Variants in KPNA6 observed in about 807,000 individuals in gnomAD.
KPNA6 encodes the protein karyopherin subunit alpha 6, also known as importin subunit alpha-7.
KPNA6 carries 9 observed loss-of-function variants against 72.0 expected under a neutral mutation model. The ratio of observed to expected loss-of-function variants is 0.13; its 90% CI spans 0.08 to 0.22. The LOEUF (loss-of-function observed/expected upper bound fraction) is 0.22. Among genes scored for constraint, KPNA6 ranks in the 10% least tolerant of loss-of-function variants. The pLI is 1.00. For missense variants in KPNA6, 374 were observed against 655.7 expected (o/e 0.57, Z 4.69); for synonymous variants, 219 against 242.1 (o/e 0.90, Z 0.89).
At chr1:32,157,499 C>T in intron 4 of KPNA6, 54 bp downstream of exon 4, 2 of 1,289,612 alleles carry the variant, frequency 1.6e-6, no homozygotes, top group Non-Finnish European at 2.3e-6. Context: ...CCTCTTTTCT[C>T]TTCACTGATG....
At chr1:32,163,103 C>CA (rs369879847) in intron 9 of KPNA6, 132 bp from the exon 10 acceptor site, 6,016 of 495,694 alleles carry the variant, frequency 0.012, 18 homozygotes, top group African/African-American at 0.035. Context: ...GACTCTGTCT[C>CA]AAAAAAAAAA....
chr1:32,128,063 T>G (rs1415486451), intron 1 of KPNA6, among the ~76,000 whole-genome samples: 2 of 152,104 alleles, frequency 1.3e-5, no homozygotes, highest in Non-Finnish European at 2.9e-5. Context: ...TCTTTCATTT[T>G]CCTACTTTAA....
intron 1 of KPNA6, among the ~76,000 whole-genome samples, chr1:32,132,503 T>A (rs1196719749): frequency 1.3e-5 from 2 of 152,188 alleles, no homozygotes; most frequent in Middle Eastern, 3.2e-3. Flanking sequence ...TTGCCCAGAC[T>A]GGTCTCAAAC....
chr1:32,128,406 T>TATATATAC (rs1455397612), intron 1 of KPNA6, among the ~76,000 whole-genome samples: 1 of 126,830 alleles, frequency 7.9e-6, no homozygotes, highest in Non-Finnish European at 1.7e-5. Flanking sequence ...TATATATATA[T>TATATATAC]ATATATATAT....
At chr1:32,146,081 T>C (rs1216597467) in intron 1 of KPNA6, among the ~76,000 whole-genome samples, 2 of 152,220 alleles carry the variant, frequency 1.3e-5, no homozygotes, top group African/African-American at 2.4e-5. Context: ...TCTGCTGTTA[T>C]TGGGTGGAAT....
chr1:32,160,529 T>A, intron 6 of KPNA6, 86 bp from the exon 7 acceptor site: 1 of 968,916 alleles, frequency 1.0e-6, no homozygotes, highest in East Asian at 2.4e-5. Context: ...CTCATCCTGG[T>A]GGGTACTCAC....
chr1:32,132,277 T>A, intron 1 of KPNA6, among the ~76,000 whole-genome samples: 1 of 151,734 alleles, frequency 6.6e-6, no homozygotes, highest in East Asian at 2.0e-4. Context: ...GGCCCAGTGG[T>A]GTCTTTTAAA....
At chr1:32,111,968 G>A (rs888190649) in intron 1 of KPNA6, among the ~76,000 whole-genome samples, 2 of 152,112 alleles carry the variant, frequency 1.3e-5, no homozygotes, top group African/African-American at 4.8e-5. Flanking sequence ...TGTGCTAACT[G>A]GGAATCTGGC....
At chr1:32,170,577 A>G in intron 13 of KPNA6, 130 bp from the exon 14 acceptor site, 1 of 729,082 alleles carries the variant, frequency 1.4e-6, no homozygotes, top group Admixed American at 2.6e-5. Context: ...TTCAGGTCCA[A>G]GAGTGATCTG....
chr1:32,108,094 T>C lies in KPNA6; in HGVS notation c.-37T>C, dbSNP rs1273686574. The C allele has an allele frequency of 6.2e-7, 1 of 1,613,854 alleles. No homozygotes were observed. The highest frequency in any genetic ancestry group is 1.1e-5 in the South Asian group (1 of 91,056). On this transcript the variant is annotated 5_prime_UTR_variant, in exon 1 of 14. Coordinates refer to ENST00000373625, the MANE Select transcript of KPNA6 (RefSeq NM_012316.5). Reference sequence around the variant, plus strand: ...AAAGCTGCCGCTGAAGCTGCCGCCGTTGCCTCCGCCGCCAAGAGTGAGCGA... The same window carrying C: ...AAAGCTGCCGCTGAAGCTGCCGCCGCTGCCTCCGCCGCCAAGAGTGAGCGA...
At position 32,119,032 on chromosome 1, in the gene KPNA6, A is replaced by ATATTT. The variant is rs1167325052; in HGVS notation, c.4+10899_4+10900insATTTT. ...TATATATATATATATATATATATATATTTTTTTTTTTTTTTTTGAGAGAGA... is the reference window on the plus strand; with the variant it reads ...TATATATATATATATATATATATATATATTTTTTTTTTTTTTTTTTTTGAGAGAGA... On this transcript the variant is annotated intron_variant, in intron 1 of 13. Transcript: ENST00000373625. 5.7e-4 allele frequency among the ~76,000 whole-genome samples: 23 copies of ATATTT among 40,278 alleles called. 1 individual carries two copies. Among genetic ancestry groups the ATATTT allele is most frequent in the African/African-American group, 1.2e-3 (12 of 9,936 alleles). 26.4% of individuals were successfully genotyped at this position (40,278 alleles called of 152,430 possible). A position where few individuals can be genotyped will look rare whatever the true frequency, so the allele number is the denominator to read the frequency against.
At position 32,170,993 on chromosome 1, in the gene KPNA6, C is replaced by A; in HGVS notation, c.*99C>A. On this transcript the variant is annotated 3_prime_UTR_variant, in exon 14 of 14. Transcript: ENST00000373625. ...AAACCAGTGTCCCCACCATCAGCCA[C>A]CACACACCTCTGCTGCCCTGGAGAC... 9.8e-7 allele frequency: 1 copy of A among 1,019,578 alleles called. No homozygotes were observed. Among genetic ancestry groups the A allele is most frequent in the Non-Finnish European group, 1.5e-6 (1 of 672,604 alleles). 63.2% of individuals were successfully genotyped at this position (1,019,578 alleles called of 1,614,324 possible).
chr1:32,136,794 C>G (rs544531046), intron 1 of KPNA6, among the ~76,000 whole-genome samples: 3 of 152,190 alleles, frequency 2.0e-5, no homozygotes, highest in African/African-American at 7.2e-5. Context: ...TTTATTCCTC[C>G]CCAATTCATT....
chr1:32,110,724 C>T (rs967962917), intron 1 of KPNA6, among the ~76,000 whole-genome samples: 1 of 152,076 alleles, frequency 6.6e-6, no homozygotes, highest in Non-Finnish European at 1.5e-5. Flanking sequence ...AGGTGAAACC[C>T]TGTCTCTACT....
At chr1:32,113,445 T>G (rs1007944250) in intron 1 of KPNA6, among the ~76,000 whole-genome samples, 2 of 152,094 alleles carry the variant, frequency 1.3e-5, no homozygotes, top group Admixed American at 1.3e-4. Context: ...TATGTATGTA[T>G]GTATATATGT....
intron 1 of KPNA6, among the ~76,000 whole-genome samples, chr1:32,131,618 A>G (rs1002431654): frequency 1.4e-5 from 2 of 146,630 alleles, no homozygotes; most frequent in Non-Finnish European, 3.1e-5. Context: ...ACACACATAT[A>G]TATACATATA....
intron 9 of KPNA6, among the ~76,000 whole-genome samples, chr1:32,163,028 C>T (rs1488328638): frequency 1.8e-4 from 25 of 142,028 alleles, no homozygotes; most frequent in Admixed American, 9.8e-4. Flanking sequence ...GGCGTGAACC[C>T]GGGAGGCAGA....
At chr1:32,150,255 C>T (rs1159786962) in intron 1 of KPNA6, among the ~76,000 whole-genome samples, 2 of 150,994 alleles carry the variant, frequency 1.3e-5, no homozygotes, top group Non-Finnish European at 1.5e-5. Flanking sequence ...TCCTCAGCCT[C>T]CCGAGTAGCT....
At chr1:32,138,111 G>A (rs1641770492) in intron 1 of KPNA6, among the ~76,000 whole-genome samples, 1 of 150,014 alleles carries the variant, frequency 6.7e-6, no homozygotes. Context: ...CTCTAGCCTG[G>A]ATGACAAGAG....
Sources: allele counts gnomAD v4.1 joint callset (sites outside exome capture counted in the v4.1 genomes callset), GRCh38; gene constraint gnomAD v4.1.1; transcripts MANE v1.5; gene names NCBI Gene and HGNC (gene_info 2026-07-23, HGNC 2026-07-21).